DLGAP2: variants seen among roughly 807,000 people sequenced by gnomAD.
DLGAP2 encodes disks large-associated protein 2.
In DLGAP2, 26 loss-of-function variants were observed where a neutral mutation model predicts 100.3. The observed-to-expected ratio is 0.26, with a 90% CI of 0.19 to 0.36. The LOEUF (loss-of-function observed/expected upper bound fraction) is 0.36, where lower values mean the gene tolerates loss of function less well. Among genes scored for constraint, DLGAP2 ranks in the 10% least tolerant of loss-of-function variants. The pLI is 1.00. For synonymous variants in DLGAP2, 886 were observed against 630.1 expected (o/e 1.41, Z -6.08); for missense variants, 1,858 against 1,453.2 (o/e 1.28, Z -4.53).
intron 3 of DLGAP2, among the ~76,000 whole-genome samples, chr8:1,304,818 A>T (rs1247924425): frequency 3.9e-5 from 6 of 152,222 alleles, no homozygotes; most frequent in Non-Finnish European, 8.8e-5. Flanking sequence ...CATCAATTAT[A>T]ATAAATGCTA....
chr8:1,112,861 A>G (rs534858762), intron 2 of DLGAP2, among the ~76,000 whole-genome samples: 9 of 152,186 alleles, frequency 5.9e-5, no homozygotes, highest in Non-Finnish European at 1.0e-4. Flanking sequence ...TCTTTAATCC[A>G]TCTAGAGTTG....
At chr8:1,601,839 T>C (rs1227036541) in intron 6 of DLGAP2, among the ~76,000 whole-genome samples, 2 of 152,264 alleles carry the variant, frequency 1.3e-5, no homozygotes, top group South Asian at 2.1e-4. Context: ...TAATTAGTCA[T>C]TGAGATATCA....
chr8:1,387,101 G>T (rs1238023471), intron 3 of DLGAP2, among the ~76,000 whole-genome samples: 1 of 152,138 alleles, frequency 6.6e-6, no homozygotes. Flanking sequence ...AAAAGCTCAG[G>T]TATCATATAG....
rs368910316 is a variant in DLGAP2 at position 895,396 on chromosome 8, G to A, written c.19-12516G>A. Among the ~76,000 whole-genome samples, 8 of 152,276 alleles carry A rather than the reference G, an allele frequency of 5.3e-5. No homozygotes were observed. In the Middle Eastern group the frequency reaches 0.01, roughly 194 times the overall value. ...TTATCTGCAGCATCCCCCGTGCTGA[G>A]ACACAGCAGCTCTTTCCACCTCTGT... On this transcript the variant is annotated intron_variant, in intron 1 of 14. Transcript: ENST00000637795.
intron 3 of DLGAP2, among the ~76,000 whole-genome samples, chr8:1,414,924 A>T (rs563159071): frequency 2.0e-5 from 3 of 152,010 alleles, no homozygotes; most frequent in Non-Finnish European, 4.4e-5. Context: ...CAGGGGAATC[A>T]CTTGAACCTG....
At chr8:778,093 A>G (rs1821577242) in intron 1 of DLGAP2, among the ~76,000 whole-genome samples, 1 of 151,104 alleles carries the variant, frequency 6.6e-6, no homozygotes, top group Non-Finnish European at 1.5e-5. Context: ...CATTTCTTTC[A>G]TTTCATCTTC....
chr8:858,902 C>T (rs185754926), intron 1 of DLGAP2, among the ~76,000 whole-genome samples: 5 of 152,224 alleles, frequency 3.3e-5, no homozygotes, highest in Admixed American at 6.5e-5. Context: ...TATCAATATT[C>T]GCTCCTTACA....
chr8:842,630 AT>A (rs11300985), intron 1 of DLGAP2, among the ~76,000 whole-genome samples: 111,039 of 151,972 alleles, frequency 0.73, 40,923 homozygotes, highest in East Asian at 0.99. Flanking sequence ...AGCTTCTAAC[AT>A]TTTGTTCTCT....
At chr8:1,276,799 C>G (rs568291581) in intron 3 of DLGAP2, among the ~76,000 whole-genome samples, 46 of 152,096 alleles carry the variant, frequency 3.0e-4, no homozygotes, top group Non-Finnish European at 5.6e-4. Flanking sequence ...ATATTTTATA[C>G]TGGCAAAAAG....
At chr8:752,448 G>T (rs1820815134) in intron 1 of DLGAP2, among the ~76,000 whole-genome samples, 1 of 152,224 alleles carries the variant, frequency 6.6e-6, no homozygotes, top group South Asian at 2.1e-4. Flanking sequence ...AAGAAGCACA[G>T]ATGTGCCAAT....
intron 2 of DLGAP2, among the ~76,000 whole-genome samples, chr8:1,029,610 G>A (rs1377450457): frequency 7.6e-6 from 1 of 131,832 alleles, no homozygotes; most frequent in Non-Finnish European, 1.5e-5. Context: ...AACAGGTTCT[G>A]GCAGGATGGC....
Position 1,708,138 on chromosome 8 carries a change from C to T in DLGAP2, c.*6732C>T, listed in dbSNP as rs1239432529. On this transcript the variant is annotated 3_prime_UTR_variant, in exon 15 of 15. Coordinates refer to ENST00000637795, the MANE Select transcript of DLGAP2 (RefSeq NM_001346810.2). ...AACTGTGCACCGTTTCCGCCATAACCGTCCTGTGACGATGCCTCCATTTGA... is the reference window on the plus strand; with the variant it reads ...AACTGTGCACCGTTTCCGCCATAACTGTCCTGTGACGATGCCTCCATTTGA... The T allele has an allele frequency of 6.6e-6, 1 of 152,196 alleles. No individual in the cohort carries two copies. The highest frequency in any genetic ancestry group is 1.5e-5 in the Non-Finnish European group (1 of 68,044). The allele number at this position is 152,196 out of a possible 1,614,324, so 9.4% of individuals were successfully genotyped here.
At position 1,028,690 on chromosome 8, in the gene DLGAP2, A is replaced by T. The variant is rs140816783; in HGVS notation, c.73+120724A>T. 4.4e-3 allele frequency among the ~76,000 whole-genome samples: 675 copies of T among 152,346 alleles called. 6 individuals are homozygous for T. The highest frequency in any genetic ancestry group is 0.016 in the African/African-American group (649 of 41,588). ...TCCAGGAGCTAGGGTGTGGAGACAA[A>T]GGAGGCTGGTGGAGTTAAGATGGGT... On this transcript the variant is annotated intron_variant, in intron 2 of 14. Coordinates refer to ENST00000637795, the MANE Select transcript of DLGAP2 (RefSeq NM_001346810.2).
intron 6 of DLGAP2, among the ~76,000 whole-genome samples, chr8:1,582,867 A>C (rs917616881): frequency 3.3e-5 from 5 of 152,158 alleles, no homozygotes; most frequent in Admixed American, 3.3e-4. Context: ...TAAGAAAGGA[A>C]GTTCTTTAAG....
At chr8:1,611,033 A>G (rs1176336807) in intron 6 of DLGAP2, among the ~76,000 whole-genome samples, 1 of 139,540 alleles carries the variant, frequency 7.2e-6, no homozygotes, top group Non-Finnish European at 1.5e-5. Context: ...TCCCTAACTC[A>G]TTTTATGAGG....
chr8:1,135,513 T>TTTG (rs1554490370), intron 2 of DLGAP2, among the ~76,000 whole-genome samples: 2 of 135,482 alleles, frequency 1.5e-5, no homozygotes, highest in Non-Finnish European at 3.1e-5. Flanking sequence ...GTTTTTTTTT[T>TTTG]TTTTTTTTTT....
chr8:945,330 T>C (rs943840730), intron 2 of DLGAP2, among the ~76,000 whole-genome samples: 5 of 152,186 alleles, frequency 3.3e-5, no homozygotes, highest in Non-Finnish European at 5.9e-5. Context: ...CCAGAAACAA[T>C]TCTCAGAATC....
intron 2 of DLGAP2, among the ~76,000 whole-genome samples, chr8:983,970 C>G (rs1268596914): frequency 7.2e-5 from 11 of 152,084 alleles, no homozygotes; most frequent in Non-Finnish European, 1.3e-4. Context: ...CGGTGTGGTG[C>G]CTTGCTATTC....
intron 6 of DLGAP2, among the ~76,000 whole-genome samples, chr8:1,576,382 G>A (rs932494034): frequency 2.6e-5 from 4 of 152,148 alleles, no homozygotes; most frequent in Non-Finnish European, 5.9e-5. Flanking sequence ...TTTGTCAGAT[G>A]AGTAGATTGC....
Sources: allele counts gnomAD v4.1 joint callset (sites outside exome capture counted in the v4.1 genomes callset), GRCh38; gene constraint gnomAD v4.1.1; transcripts MANE v1.5; gene names NCBI Gene and HGNC (gene_info 2026-07-23, HGNC 2026-07-21).